The following VIRMA variants were observed in gnomAD, a reference collection of about 807,000 sequenced individuals.
VIRMA encodes the protein protein virilizer homolog.
In VIRMA, 65 loss-of-function variants were observed where a neutral mutation model predicts 182.4. The observed-to-expected ratio is 0.36, with a 90% CI of 0.29 to 0.44. The LOEUF (loss-of-function observed/expected upper bound fraction) is 0.44, where lower values mean the gene tolerates loss of function less well. VIRMA is among the 20% of genes least tolerant of loss of function. The pLI is 1.00. For synonymous variants in VIRMA, 709 were observed against 743.1 expected (o/e 0.95, Z 0.75); for missense variants, 1,752 against 2,158.1 (o/e 0.81, Z 3.73).
intron 9 of VIRMA, 91 bp from the exon 10 acceptor site, chr8:94,518,033 G>C: frequency 2.3e-6 from 2 of 857,826 alleles, no homozygotes; most frequent in Non-Finnish European, 3.6e-6. Flanking sequence ...GCTTTAAAGA[G>C]ATCAAGGACA....
chr8:94,535,529 A>G (rs1815312116), intron 4 of VIRMA, among the ~76,000 whole-genome samples: 1 of 152,226 alleles, frequency 6.6e-6, no homozygotes, highest in African/African-American at 2.4e-5. Flanking sequence ...TCACGCCTGT[A>G]ATTTCAGCAC....
At chr8:94,511,788 A>G in intron 12 of VIRMA, 59 bp from the exon 13 acceptor site, 1 of 1,020,302 alleles carries the variant, frequency 9.8e-7, no homozygotes, top group Non-Finnish European at 1.3e-6. Flanking sequence ...ATAACTGATT[A>G]AGAATTATTA....
intron 17 of VIRMA, 82 bp from the exon 18 acceptor site, chr8:94,496,562 C>T: frequency 9.1e-7 from 1 of 1,094,066 alleles, no homozygotes. Context: ...TTATCTAAGC[C>T]ATATGCTGCA....
At chr8:94,536,290 G>A (rs116116960) in intron 4 of VIRMA, among the ~76,000 whole-genome samples, 1 of 152,162 alleles carries the variant, frequency 6.6e-6, no homozygotes, top group South Asian at 2.1e-4. Flanking sequence ...GTCTAAACAG[G>A]ATGCAAAGGA....
intron 16 of VIRMA, among the ~76,000 whole-genome samples, chr8:94,499,873 G>A (rs1393419103): frequency 4.6e-5 from 7 of 150,622 alleles, no homozygotes; most frequent in Non-Finnish European, 8.9e-5. Context: ...AGGGTAACCC[G>A]GTCTCTACTA....
chr8:94,525,560 G>T (rs947017006), intron 8 of VIRMA, among the ~76,000 whole-genome samples: 1 of 152,140 alleles, frequency 6.6e-6, no homozygotes, highest in African/African-American at 2.4e-5. Flanking sequence ...AATGCACTAT[G>T]CTCCATCCAA....
intron 2 of VIRMA, among the ~76,000 whole-genome samples, chr8:94,539,058 C>T (rs1022549716): frequency 3.3e-5 from 5 of 151,444 alleles, no homozygotes; most frequent in African/African-American, 1.2e-4. Context: ...TATGCCACTA[C>T]ACTGGGCTAA....
intron 11 of VIRMA, among the ~76,000 whole-genome samples, chr8:94,513,874 A>G (rs1238172640): frequency 1.3e-5 from 2 of 152,230 alleles, no homozygotes; most frequent in Non-Finnish European, 2.9e-5. Flanking sequence ...ACGGAAGAAT[A>G]TGATGGCACC....
chr8:94,526,860 A>G lies in VIRMA; in HGVS notation c.1384T>C (p.Leu462=). 1.9e-6 allele frequency: 3 copies of G among 1,614,186 alleles called. No individual in the cohort carries two copies. The East Asian group carries it at 6.7e-5, about 36-fold the overall frequency. ...NVRQLKAGTK[L]VSSLAECGAQ... is the part of the protein sequence containing the mutation. ...CCACATTCTGCTAGTGAGGACACTA[A>G]TTTGGTCCCAGCTTTGAGCTGTCGA... Residue 462 remains leucine, a synonymous_variant, in exon 8 of 24, where the codon TTA becomes CTA. Coordinates refer to ENST00000297591, the MANE Select transcript of VIRMA (RefSeq NM_015496.5).
chr8:94,530,954 TA>T lies in VIRMA; in HGVS notation c.607+8del. 1 of 1,599,300 alleles carries T rather than the reference TA, an allele frequency of 6.3e-7. No homozygotes were observed. Among genetic ancestry groups the T allele is most frequent in the Non-Finnish European group, 8.5e-7 (1 of 1,174,458 alleles). On this transcript the variant is annotated splice_region_variant and intron_variant, in intron 6 of 23. Transcript: ENST00000297591. ...GGGGGGAAAACCTTAGCACTGGTTT[TA>T]TTTATACCTGGCAGAGGCACAGGAT...
chr8:94,535,257 A>G (rs1473539814), intron 4 of VIRMA, among the ~76,000 whole-genome samples: 1 of 152,196 alleles, frequency 6.6e-6, no homozygotes, highest in Non-Finnish European at 1.5e-5. Flanking sequence ...CCTTGTTCAA[A>G]AAGTATAACC....
At chr8:94,495,092 C>T (rs1432791361) in intron 19 of VIRMA, 136 bp from the exon 20 acceptor site, 1 of 682,376 alleles carries the variant, frequency 1.5e-6, no homozygotes, top group South Asian at 1.6e-5. Context: ...CCTTGATCTC[C>T]TGGGCTCAAG....
chr8:94,541,001 A>G (rs986835739), intron 2 of VIRMA, among the ~76,000 whole-genome samples: 55 of 152,164 alleles, frequency 3.6e-4, no homozygotes, highest in African/African-American at 1.2e-3. Context: ...TAATAATAAA[A>G]TACATATATA....
In VIRMA at chr8:94,509,893, A is replaced by C. The variant is rs747292373; in HGVS notation, c.3674T>G (p.Leu1225Trp). The C allele has an allele frequency of 2.5e-6, 4 of 1,613,930 alleles. No individual in the cohort carries two copies. Among genetic ancestry groups the C allele is most frequent in the Non-Finnish European group, 3.4e-6 (4 of 1,179,880 alleles). Residue 1225 changes from leucine to tryptophan, a missense_variant, in exon 15 of 24, where the codon TTG becomes TGG. By Grantham distance (61) the Leu-to-Trp change is moderately conservative. Transcript: ENST00000297591. ...EKQYTSQTTRLLALLDALASH... is the reference protein window; with the variant it reads ...EKQYTSQTTRWLALLDALASH... ...AGCCAGAGCATCAAGAAGAGCAAGC[A>C]ACCTGGTGGTTTGGCTAGTATACTG... is the stretch of plus-strand genomic sequence containing the variant.
intron 16 of VIRMA, among the ~76,000 whole-genome samples, chr8:94,501,255 C>CAAA (rs55726504): frequency 0.017 from 1,221 of 71,602 alleles, no homozygotes; most frequent in Non-Finnish European, 0.019. Context: ...GATTCCATCT[C>CAAA]AAAAAAAAAA....
rs1270222718 is a variant in VIRMA at position 94,491,135 on chromosome 8, G to A, written c.5140+443C>T. ...TTGAGACTAGCCTGGCAAACACGGC[G>A]AAAACCCATCTCTACTAAAAATACA... is the stretch of plus-strand genomic sequence containing the variant. On this transcript the variant is annotated intron_variant, in intron 22 of 23. Transcript: ENST00000297591. Among the ~76,000 whole-genome samples, 7 of 150,196 alleles carry A rather than the reference G, an allele frequency of 4.7e-5. No individual in the cohort carries two copies. In the South Asian group the frequency reaches 6.3e-4, roughly 14 times the overall value.
intron 8 of VIRMA, among the ~76,000 whole-genome samples, chr8:94,520,920 C>T (rs887249108): frequency 2.0e-5 from 3 of 152,122 alleles, no homozygotes; most frequent in African/African-American, 2.4e-5. Context: ...TTTTATGAGA[C>T]GAAATCTAGC....
At chr8:94,524,209 G>A (rs1367023031) in intron 8 of VIRMA, among the ~76,000 whole-genome samples, 4 of 152,078 alleles carry the variant, frequency 2.6e-5, no homozygotes, top group African/African-American at 9.7e-5. Flanking sequence ...ATGCTGGTCA[G>A]GCTGGTCTTG....
intron 16 of VIRMA, among the ~76,000 whole-genome samples, chr8:94,502,812 C>T (rs746404724): frequency 2.0e-5 from 3 of 151,918 alleles, no homozygotes; most frequent in Non-Finnish European, 2.9e-5. Context: ...CAAACCGGAA[C>T]GTTCTGCACA....
Sources: gnomAD v4.1 joint callset for allele counts (sites outside exome capture counted in the v4.1 genomes callset) on GRCh38, gnomAD v4.1.1 for gene constraint, MANE v1.5 for transcripts, NCBI Gene and HGNC (gene_info 2026-07-23, HGNC 2026-07-21) for gene names.